HMBOX1: variants seen among roughly 807,000 people sequenced by gnomAD.
HMBOX1 encodes the protein homeobox-containing protein 1.
HMBOX1 carries 14 observed loss-of-function variants against 54.5 expected under a neutral mutation model. The observed-to-expected ratio is 0.26, with a 90% CI of 0.17 to 0.40. The LOEUF (loss-of-function observed/expected upper bound fraction) is 0.40. Among genes scored for constraint, HMBOX1 ranks in the 10% least tolerant of loss-of-function variants. HMBOX1 has a pLI of 1.00. For missense variants in HMBOX1, 332 were observed against 514.4 expected, an observed-to-expected ratio of 0.65 and a Z score of 3.43; for synonymous variants, 160 against 181.0, an observed-to-expected ratio of 0.88 and a Z score of 0.93.
intron 6 of HMBOX1, among the ~76,000 whole-genome samples, chr8:29,021,127 A>G (rs1255168905): frequency 1.3e-5 from 2 of 152,180 alleles, no homozygotes; most frequent in African/African-American, 4.8e-5. Context: ...GTGAGCTATG[A>G]TTGCACCACT....
At chr8:28,930,265 CT>C (rs1819260374) in intron 1 of HMBOX1, among the ~76,000 whole-genome samples, 1 of 152,060 alleles carries the variant, frequency 6.6e-6, no homozygotes, top group African/African-American at 2.4e-5. Context: ...ACCTGGTAGC[CT>C]TTTTATCTCC....
At chr8:28,984,463 A>G (rs1032287913) in intron 4 of HMBOX1, among the ~76,000 whole-genome samples, 1 of 152,238 alleles carries the variant, frequency 6.6e-6, no homozygotes, top group Non-Finnish European at 1.5e-5. Flanking sequence ...GATTTCTATT[A>G]TAAGATAAAC....
intron 6 of HMBOX1, among the ~76,000 whole-genome samples, chr8:29,029,281 A>C (rs920588554): frequency 1.3e-5 from 2 of 152,174 alleles, no homozygotes; most frequent in Non-Finnish European, 2.9e-5. Context: ...AAATCTATGG[A>C]GTTAGAGACC....
Position 28,960,197 on chromosome 8 carries a change from A to G in HMBOX1, c.-57-3614A>G, listed in dbSNP as rs939686919. The stretch of plus-strand genomic sequence containing the variant: ...TTTATTTTTCTATTTTTTAAGTACT[A>G]TTTTTTCTTTTGACTTTTAAAAATG... On this transcript the variant is annotated intron_variant, in intron 1 of 9. Coordinates refer to ENST00000287701, the MANE Select transcript of HMBOX1 (RefSeq NM_001135726.3). 4.7e-4 allele frequency among the ~76,000 whole-genome samples: 68 copies of G among 145,224 alleles called. 1 individual carries two copies. The highest frequency in any genetic ancestry group is 1.6e-3 in the African/African-American group (56 of 35,298).
At chr8:28,893,456 A>G (rs907026471) in intron 1 of HMBOX1, among the ~76,000 whole-genome samples, 1 of 152,162 alleles carries the variant, frequency 6.6e-6, no homozygotes, top group Non-Finnish European at 1.5e-5. Flanking sequence ...CTTTTAACTA[A>G]TCTGTTGCTA....
intron 1 of HMBOX1, among the ~76,000 whole-genome samples, chr8:28,911,645 C>G (rs546802331): frequency 8.5e-5 from 13 of 152,154 alleles, no homozygotes; most frequent in Non-Finnish European, 1.3e-4. Context: ...CGTGAGCCAC[C>G]GCGCCTAGCT....
intron 6 of HMBOX1, among the ~76,000 whole-genome samples, chr8:29,033,441 G>A (rs941935470): frequency 6.6e-6 from 1 of 152,102 alleles, no homozygotes; most frequent in Non-Finnish European, 1.5e-5. Context: ...TAGACTATTT[G>A]AGGAAAAAAC....
rs186901136 is a variant in HMBOX1 at position 28,950,477 on chromosome 8, C to T, written c.-57-13334C>T. Among the ~76,000 whole-genome samples the T allele has an allele frequency of 5.9e-5, 9 of 152,322 alleles. No homozygotes were observed. In the East Asian group the frequency reaches 1.7e-3, roughly 29 times the overall value. On this transcript the variant is annotated intron_variant, in intron 1 of 9. Coordinates refer to ENST00000287701, the MANE Select transcript of HMBOX1 (RefSeq NM_001135726.3). ...CAGTAATGACCCCATGGGAGTAGAG[C>T]ACTCTGAGATTTCCATAGAAGGGAA... is the stretch of plus-strand genomic sequence containing the variant.
In HMBOX1 at chr8:28,970,717, T is replaced by G. The variant is rs1827241684; in HGVS notation, c.500+198T>G. 4.1e-6 allele frequency: 2 copies of G among 483,912 alleles called. No individual in the cohort carries two copies. Among genetic ancestry groups the G allele is most frequent in the South Asian group, 7.9e-5 (2 of 25,450 alleles). The allele number at this position is 483,912 out of a possible 1,614,324, so 30.0% of individuals were successfully genotyped here. ...TTATGTTTTTAATTTAAATTTTCTC[T>G]TCTTTACTTCAGCCCTTTCTCTTTG... On this transcript the variant is annotated intron_variant, in intron 3 of 9. Coordinates refer to ENST00000287701, the MANE Select transcript of HMBOX1 (RefSeq NM_001135726.3). The surrounding 1 kb of genome is among the most constrained non-coding windows in gnomAD (Gnocchi z 4.3).
chr8:29,032,468 T>A (rs1281730744), intron 6 of HMBOX1, among the ~76,000 whole-genome samples: 1 of 152,184 alleles, frequency 6.6e-6, no homozygotes, highest in Non-Finnish European at 1.5e-5. Flanking sequence ...AATCTTTTGA[T>A]CAATTTTTTT....
chr8:28,970,072 A>T lies in HMBOX1; in HGVS notation c.53A>T (p.Asp18Val). The change falls in exon 3 of 10, where the codon GAT becomes GTT. Residue 18 changes from aspartate to valine, a missense_variant. Physicochemically the swap from Asp to Val is radical, Grantham distance 152 (BLOSUM62 -3). Around this residue, in one of 4 missense-constraint regions of HMBOX1, gnomAD observed 146 missense variants for 173.3 expected, o/e 0.84. Coordinates refer to ENST00000287701, the MANE Select transcript of HMBOX1 (RefSeq NM_001135726.3). This position sits in a 1 kb window ranked among gnomAD's most constrained non-coding sequence, Gnocchi z 4.3. Reference protein sequence around the residue: ...VLLETMSHYTDEPRFTIEQID... With the variant: ...VLLETMSHYTVEPRFTIEQID... ...CTGGAAACCATGTCTCATTATACAG[A>T]TGAACCCAGATTTACCATAGAGCAG... The T allele has an allele frequency of 6.2e-7, 1 of 1,613,316 alleles. No individual in the cohort carries two copies. Among genetic ancestry groups the T allele is most frequent in the Non-Finnish European group, 8.5e-7 (1 of 1,179,348 alleles).
intron 1 of HMBOX1, among the ~76,000 whole-genome samples, chr8:28,927,976 A>C (rs895406428): frequency 3.3e-5 from 5 of 151,986 alleles, no homozygotes; most frequent in African/African-American, 1.2e-4. Context: ...CTCTTCTAAA[A>C]ATACAAAAAT....
intron 6 of HMBOX1, among the ~76,000 whole-genome samples, chr8:29,043,367 C>T (rs1054807753): frequency 1.3e-5 from 2 of 152,260 alleles, no homozygotes; most frequent in Admixed American, 6.5e-5. Flanking sequence ...TCCTCAGTGA[C>T]GCCTTTCCAG....
At chr8:29,036,839 A>T (rs1268660210) in intron 6 of HMBOX1, among the ~76,000 whole-genome samples, 1 of 152,118 alleles carries the variant, frequency 6.6e-6, no homozygotes, top group Non-Finnish European at 1.5e-5. Flanking sequence ...CTGGCTCCTC[A>T]TTTGCAAAGT....
At chr8:28,995,605 A>G (rs569604786) in intron 4 of HMBOX1, among the ~76,000 whole-genome samples, 7 of 152,306 alleles carry the variant, frequency 4.6e-5, no homozygotes, top group Admixed American at 2.0e-4. Context: ...AACTACCACC[A>G]ATGTATGACA....
At chr8:29,026,424 T>A (rs1802048231) in intron 6 of HMBOX1, among the ~76,000 whole-genome samples, 1 of 152,110 alleles carries the variant, frequency 6.6e-6, no homozygotes, top group African/African-American at 2.4e-5. Flanking sequence ...GTGATGAAGA[T>A]TTGTAAAATC....
At chr8:29,027,952 T>C (rs149720973) in intron 6 of HMBOX1, among the ~76,000 whole-genome samples, 48 of 152,340 alleles carry the variant, frequency 3.2e-4, no homozygotes, top group Middle Eastern at 3.4e-3. Context: ...GTTTTTGTTA[T>C]TAAATTCTGT....
At chr8:29,013,655 T>C (rs1052170576) in intron 5 of HMBOX1, among the ~76,000 whole-genome samples, 2 of 152,200 alleles carry the variant, frequency 1.3e-5, no homozygotes, top group African/African-American at 2.4e-5. Context: ...ATTAATAAAA[T>C]AGGCTGATGG....
chr8:28,928,956 T>C (rs1285544063), intron 1 of HMBOX1, among the ~76,000 whole-genome samples: 1 of 152,162 alleles, frequency 6.6e-6, no homozygotes, highest in Non-Finnish European at 1.5e-5. Flanking sequence ...GGTCAAAGGG[T>C]GCAAACTGTT....
Sources: allele counts gnomAD v4.1 joint callset (sites outside exome capture counted in the v4.1 genomes callset), GRCh38; gene constraint gnomAD v4.1.1; regional missense constraint gnomAD v4.1.1; non-coding constraint Gnocchi (gnomAD v3.1); transcripts MANE v1.5; gene names NCBI Gene and HGNC (gene_info 2026-07-23, HGNC 2026-07-21).